AKAP13: variants seen among roughly 807,000 people sequenced by gnomAD.
The protein encoded by AKAP13 is A-kinase anchoring protein 13.
A neutral mutation model predicts 264.5 loss-of-function variants in AKAP13; 80 were observed. The observed-to-expected ratio is 0.30, with a 90% confidence interval of 0.25 to 0.36. The LOEUF is 0.36. Among genes scored for constraint, AKAP13 ranks in the 10% least tolerant of loss-of-function variants. AKAP13 has a pLI of 1.00. For synonymous variants in AKAP13, 1,380 were observed against 1,250.2 expected, an observed-to-expected ratio of 1.10 and a Z score of -2.19; for missense variants, 3,712 against 3,435.2, an observed-to-expected ratio of 1.08 and a Z score of -2.01.
In AKAP13 at chr15:85,740,945, G is replaced by T. The variant is rs188406001; in HGVS notation, c.7609-101G>T. 18 of 1,502,510 alleles carry T rather than the reference G, an allele frequency of 1.2e-5. No homozygotes were observed. In the African/African-American group the frequency reaches 2.4e-4, roughly 20 times the overall value. The allele number at this position is 1,502,510 out of a possible 1,614,324, so 93.1% of individuals were successfully genotyped here. A position where few individuals can be genotyped will look rare whatever the true frequency, so the allele number is the denominator to read the frequency against. ...AAAAATGAGGGGAGAGTTCTAGTCC[G>T]TCATAGTGCCTGGTGCCCCCTGCTG... is the stretch of plus-strand genomic sequence containing the variant. On this transcript the variant is annotated intron_variant, in intron 34 of 36. Coordinates refer to ENST00000394518, the MANE Select transcript of AKAP13 (RefSeq NM_007200.5).
chr15:85,564,277 T>C (rs2078525992), intron 5 of AKAP13, among the ~76,000 whole-genome samples: 2 of 152,202 alleles, frequency 1.3e-5, no homozygotes, highest in Non-Finnish European at 2.9e-5. Flanking sequence ...AAACGTGCAA[T>C]GAACTCCTAT....
Position 85,669,756 on chromosome 15 carries a change from A to G in AKAP13, c.5027A>G (p.Tyr1676Cys). ...CHRSKQQGFNYCTSAISSPLT... is the reference protein window; with the variant it reads ...CHRSKQQGFNCCTSAISSPLT... ...AGATCTAAGCAGCAGGGATTTAATTACTGTACATCAGCCATTTCCTCTCCA... is the reference window on the plus strand; with the variant it reads ...AGATCTAAGCAGCAGGGATTTAATTGCTGTACATCAGCCATTTCCTCTCCA... The change falls in exon 14 of 37, where the codon TAC becomes TGC. Residue 1676 changes from tyrosine (Y) to cysteine (C), a missense_variant. Tyr to Cys is a radical substitution (Grantham distance 194). Transcript: ENST00000394518. 6.2e-7 allele frequency: 1 copy of G among 1,613,576 alleles called. No homozygotes were observed.
Position 85,392,491 on chromosome 15 carries a change from G to A in AKAP13, c.-12+11693G>A, listed in dbSNP as rs560133327. 7.9e-5 allele frequency among the ~76,000 whole-genome samples: 12 copies of A among 152,154 alleles called. No homozygotes were observed. The East Asian group carries it at 1.2e-3, about 15-fold the overall frequency. On this transcript the variant is annotated intron_variant, in intron 1 of 36. Coordinates refer to ENST00000394518, the MANE Select transcript of AKAP13 (RefSeq NM_007200.5). ...TATGGTCTTGATCTCCTGACCTTGC[G>A]ATCCACCCGCCTTGGCCTCCCAAAG...
At position 85,429,904 on chromosome 15, in the gene AKAP13, C is replaced by A. The variant is rs77853341; in HGVS notation, c.-12+49106C>A. On this transcript the variant is annotated intron_variant, in intron 1 of 36. Coordinates refer to ENST00000394518, the MANE Select transcript of AKAP13 (RefSeq NM_007200.5). ...GAATATTCCCTTGCATTTTCCCCTG[C>A]ACTTTACTCTGAAGTGGGAATAATG... Among the ~76,000 whole-genome samples the A allele has an allele frequency of 3.1e-4, 47 of 152,326 alleles. 1 individual carries two copies. Among genetic ancestry groups the A allele is most frequent in the African/African-American group, 7.9e-4 (33 of 41,572 alleles).
chr15:85,426,515 C>G (rs2072786585), intron 1 of AKAP13, among the ~76,000 whole-genome samples: 1 of 151,870 alleles, frequency 6.6e-6, no homozygotes, highest in African/African-American at 2.4e-5. Context: ...TGGGTTATAA[C>G]TGACAATTGC....
At chr15:85,402,778 C>T (rs1403010643) in intron 1 of AKAP13, among the ~76,000 whole-genome samples, 1 of 152,008 alleles carries the variant, frequency 6.6e-6, no homozygotes, top group Non-Finnish European at 1.5e-5. Context: ...GTAGTTGAGG[C>T]TTACTAAGAT....
chr15:85,701,501 G>T (rs992274831), intron 17 of AKAP13, among the ~76,000 whole-genome samples: 1 of 152,074 alleles, frequency 6.6e-6, no homozygotes, highest in Non-Finnish European at 1.5e-5. Flanking sequence ...GTACAGTGGC[G>T]CAATCTCGGC....
Position 85,582,120 on chromosome 15 carries a change from T to C in AKAP13, c.4039+13T>C. 6.4e-7 allele frequency: 1 copy of C among 1,565,050 alleles called. No individual in the cohort carries two copies. Among genetic ancestry groups the C allele is most frequent in the Non-Finnish European group, 8.6e-7 (1 of 1,159,456 alleles). On this transcript the variant is annotated intron_variant, in intron 7 of 36. Coordinates refer to ENST00000394518, the MANE Select transcript of AKAP13 (RefSeq NM_007200.5). Reference sequence around the variant, plus strand: ...GAGCCAGCAGCAGGTAAGCAAAACATAATACAAAATTAACAGTCTGAGAAG... The same window carrying C: ...GAGCCAGCAGCAGGTAAGCAAAACACAATACAAAATTAACAGTCTGAGAAG...
At chr15:85,539,341 G>A (rs1156577436) in intron 4 of AKAP13, among the ~76,000 whole-genome samples, 2 of 152,130 alleles carry the variant, frequency 1.3e-5, no homozygotes, top group African/African-American at 4.8e-5. Context: ...TTCCACAACT[G>A]CATTTTCTCA....
intron 1 of AKAP13, among the ~76,000 whole-genome samples, chr15:85,391,327 TA>T (rs2070843966): frequency 6.6e-6 from 1 of 152,178 alleles, no homozygotes; most frequent in Admixed American, 6.5e-5. Flanking sequence ...AGTGGAAAGA[TA>T]ATGACGTTTT....
At chr15:85,733,495 T>G (rs768750208) in intron 30 of AKAP13, among the ~76,000 whole-genome samples, 7 of 152,248 alleles carry the variant, frequency 4.6e-5, no homozygotes, top group Non-Finnish European at 8.8e-5. Context: ...ATATGTGGTT[T>G]CAAATTTTTC....
intron 8 of AKAP13, among the ~76,000 whole-genome samples, chr15:85,603,386 G>A (rs2080178950): frequency 6.6e-6 from 1 of 152,232 alleles, no homozygotes; most frequent in African/African-American, 2.4e-5. Flanking sequence ...CAGTGCAGAT[G>A]TCAACACAGT....
intron 1 of AKAP13, among the ~76,000 whole-genome samples, chr15:85,397,505 C>G (rs892817293): frequency 1.3e-5 from 2 of 152,140 alleles, no homozygotes; most frequent in African/African-American, 4.8e-5. Flanking sequence ...TATATTTATT[C>G]TCTCCCCTCA....
At chr15:85,386,594 A>G (rs1032912885) in intron 1 of AKAP13, among the ~76,000 whole-genome samples, 1 of 152,156 alleles carries the variant, frequency 6.6e-6, no homozygotes, top group Admixed American at 6.6e-5. Flanking sequence ...CGGCTCGCCT[A>G]GAAGTTTTAT....
Position 85,580,684 on chromosome 15 carries a change from T to C in AKAP13, c.2616T>C (p.His872=), listed in dbSNP as rs749052917. The change falls in exon 7 of 37, where the codon CAT becomes CAC. Residue 872 remains histidine (H), a synonymous_variant. Coordinates refer to ENST00000394518, the MANE Select transcript of AKAP13 (RefSeq NM_007200.5). ...NTSLTGLGGE[H]EGPAPPAIPE... ...GTCTCACAGGACTTGGTGGAGAGCATGAGGGTCCCGCCCCTCCAGCAATCC... is the reference window on the plus strand; with the variant it reads ...GTCTCACAGGACTTGGTGGAGAGCACGAGGGTCCCGCCCCTCCAGCAATCC... The C allele has an allele frequency of 2.7e-5, 43 of 1,614,056 alleles. No individual in the cohort carries two copies. The highest frequency in any genetic ancestry group is 3.5e-5 in the Non-Finnish European group (41 of 1,180,032).
intron 35 of AKAP13, 35 bp from the exon 36 acceptor site, chr15:85,743,457 C>T (rs768139158): frequency 6.1e-5 from 97 of 1,589,068 alleles, no homozygotes; most frequent in Non-Finnish European, 8.0e-5. Context: ...CGCTGACAGC[C>T]TCCAAGTGAA....
chr15:85,623,450 T>A (rs902616720), intron 8 of AKAP13, among the ~76,000 whole-genome samples: 3 of 152,236 alleles, frequency 2.0e-5, no homozygotes, highest in Admixed American at 6.5e-5. Flanking sequence ...CACTGTAGAT[T>A]AGCTTCAGCA....
chr15:85,633,535 C>CTTTTTTTTTTTTTTTTTTTTTTTTTT (rs56687591), intron 8 of AKAP13, among the ~76,000 whole-genome samples: 1 of 97,738 alleles, frequency 1.0e-5, no homozygotes, highest in Non-Finnish European at 2.2e-5. Context: ...CTTTTTTTTT[C>CTTTTTTTTTTTTTTTTTTTTTTTTTT]TTTTTTTTTT....
intron 1 of AKAP13, among the ~76,000 whole-genome samples, chr15:85,438,543 C>T (rs1417258592): frequency 6.8e-6 from 1 of 146,950 alleles, no homozygotes; most frequent in Non-Finnish European, 1.5e-5. Flanking sequence ...AAGCTGGAGG[C>T]ATCACACTAC....
Sources: allele counts gnomAD v4.1 joint callset (sites outside exome capture counted in the v4.1 genomes callset), GRCh38; gene constraint gnomAD v4.1.1; transcripts MANE v1.5; gene names NCBI Gene and HGNC (gene_info 2026-07-23, HGNC 2026-07-21).